PLEKHA2: variants seen among roughly 807,000 people sequenced by gnomAD.
PLEKHA2 encodes the protein pleckstrin homology domain-containing family A member 2.
PLEKHA2 carries 28 observed loss-of-function variants against 53.2 expected under a neutral mutation model. That is an observed-to-expected ratio of 0.53 (90% confidence interval 0.39 to 0.72). The LOEUF (loss-of-function observed/expected upper bound fraction) is 0.72, where lower values mean the gene tolerates loss of function less well. Ranked by LOEUF, PLEKHA2 falls within the 30% of genes least tolerant of loss-of-function variation. PLEKHA2 has a pLI of 0.00. For synonymous variants in PLEKHA2, 193 were observed against 196.4 expected, an observed-to-expected ratio of 0.98 and a Z score of 0.14; for missense variants, 426 against 537.9, an observed-to-expected ratio of 0.79 and a Z score of 2.06.
rs150722357 is a variant in PLEKHA2 at position 38,969,941 on chromosome 8, CTGTGTGTG to C, written c.*188_*195del. Reference sequence around the variant, plus strand: ...GGAGGGAGGGGCCCATCCAGCTGGGCTGTGTGTGTGTGTGTGTGTGTGTGTGTGTGTGT... The same window carrying C: ...GGAGGGAGGGGCCCATCCAGCTGGGCTGTGTGTGTGTGTGTGTGTGTGTGT... On this transcript the variant is annotated 3_prime_UTR_variant, in exon 12 of 12. Coordinates refer to ENST00000617275, the MANE Select transcript of PLEKHA2 (RefSeq NM_021623.2). 327 of 697,800 alleles carry C rather than the reference CTGTGTGTG, an allele frequency of 4.7e-4. No homozygotes were observed. In the East Asian group the frequency reaches 7.1e-3, roughly 15 times the overall value. 43.2% of individuals were successfully genotyped at this position (697,800 alleles called of 1,614,324 possible).
intron 1 of PLEKHA2, among the ~76,000 whole-genome samples, chr8:38,912,653 T>C (rs574395564): frequency 2.1e-4 from 32 of 152,342 alleles, no homozygotes; most frequent in African/African-American, 4.8e-4. Flanking sequence ...GGGGCAGCTC[T>C]GTGGACCCAA....
At chr8:38,959,692 A>G (rs1190936990) in intron 10 of PLEKHA2, among the ~76,000 whole-genome samples, 2 of 152,236 alleles carry the variant, frequency 1.3e-5, no homozygotes, top group Admixed American at 1.3e-4. Flanking sequence ...GGAAGCCTGA[A>G]TGAGGGTAGA....
At chr8:38,938,348 A>C (rs959955390) in intron 3 of PLEKHA2, among the ~76,000 whole-genome samples, 1 of 152,112 alleles carries the variant, frequency 6.6e-6, no homozygotes, top group South Asian at 2.1e-4. Flanking sequence ...CCCCCATCCC[A>C]TGTAGGTGGC....
chr8:38,944,758 G>A (rs896129156), intron 4 of PLEKHA2, among the ~76,000 whole-genome samples: 7 of 152,162 alleles, frequency 4.6e-5, no homozygotes, highest in African/African-American at 1.7e-4. Context: ...TGAGATTTGG[G>A]TAGGGACACA....
At position 38,905,159 on chromosome 8, in the gene PLEKHA2, C is replaced by G. The variant is rs931828655; in HGVS notation, c.-24+3714C>G. ...GGTCATCTTCTTGCAAAAGTTCCCT[C>G]AAAAATACTCATATTGGCTGGATGC... is the stretch of plus-strand genomic sequence containing the variant. On this transcript the variant is annotated intron_variant, in intron 1 of 11. Coordinates refer to ENST00000617275, the MANE Select transcript of PLEKHA2 (RefSeq NM_021623.2). Among the ~76,000 whole-genome samples, 4 of 152,220 alleles carry G rather than the reference C, an allele frequency of 2.6e-5. No homozygotes were observed. The East Asian group carries it at 7.7e-4, about 29-fold the overall frequency.
chr8:38,957,881 C>T (rs1834970429), intron 10 of PLEKHA2, among the ~76,000 whole-genome samples: 1 of 152,220 alleles, frequency 6.6e-6, no homozygotes, highest in South Asian at 2.1e-4. Flanking sequence ...TGGAGTTCTC[C>T]CAACTCCTTC....
intron 2 of PLEKHA2, among the ~76,000 whole-genome samples, chr8:38,926,879 C>G (rs1236869985): frequency 6.6e-6 from 1 of 152,142 alleles, no homozygotes; most frequent in Non-Finnish European, 1.5e-5. Context: ...CACGCCATTG[C>G]ACTCTAGCCT....
Position 38,969,859 on chromosome 8 carries a change from T to C in PLEKHA2, c.*76T>C. On this transcript the variant is annotated 3_prime_UTR_variant, in exon 12 of 12. Coordinates refer to ENST00000617275, the MANE Select transcript of PLEKHA2 (RefSeq NM_021623.2). ...GAGGCTGTGACTCAGTTTCTCTACCTTGTTGGAGGGTAGTCAGAGGCCTTT... is the reference window on the plus strand; with the variant it reads ...GAGGCTGTGACTCAGTTTCTCTACCCTGTTGGAGGGTAGTCAGAGGCCTTT... 1 of 1,526,900 alleles carries C rather than the reference T, an allele frequency of 6.5e-7. No homozygotes were observed. 94.6% of individuals were successfully genotyped at this position (1,526,900 alleles called of 1,614,324 possible). A position where few individuals can be genotyped will look rare whatever the true frequency, so the allele number is the denominator to read the frequency against.
chr8:38,943,726 A>C, intron 3 of PLEKHA2, 63 bp from the exon 4 acceptor site: 1 of 1,322,602 alleles, frequency 7.6e-7, no homozygotes, highest in Non-Finnish European at 1.0e-6. Flanking sequence ...AAATTTCACA[A>C]TAAGAAATCT....
At position 38,919,120 on chromosome 8, in the gene PLEKHA2, G is replaced by T. The variant is rs534691260; in HGVS notation, c.141+1050G>T. Among the ~76,000 whole-genome samples the T allele has an allele frequency of 7.2e-5, 11 of 152,342 alleles. No homozygotes were observed. In the East Asian group the frequency reaches 2.1e-3, roughly 29 times the overall value. On this transcript the variant is annotated intron_variant, in intron 2 of 11. Coordinates refer to ENST00000617275, the MANE Select transcript of PLEKHA2 (RefSeq NM_021623.2). ...TGACTCAGGAAGTCCTAGAATCCTGGATTGGAGGTGCCCTTGGAGGTCACC... is the reference window on the plus strand; with the variant it reads ...TGACTCAGGAAGTCCTAGAATCCTGTATTGGAGGTGCCCTTGGAGGTCACC...
intron 1 of PLEKHA2, among the ~76,000 whole-genome samples, chr8:38,904,985 C>T (rs1333184999): frequency 2.0e-5 from 3 of 152,194 alleles, no homozygotes; most frequent in African/African-American, 7.2e-5. Context: ...CAATTATCTC[C>T]ATTTTGCAGA....
At chr8:38,935,457 G>T (rs12682071) in intron 2 of PLEKHA2, among the ~76,000 whole-genome samples, 18,052 of 150,542 alleles carry the variant, frequency 0.12, 1,273 homozygotes, top group East Asian at 0.21. Context: ...AAGAGATAGG[G>T]TCTTGCTGTG....
At chr8:38,925,327 A>G (rs1177908037) in intron 2 of PLEKHA2, among the ~76,000 whole-genome samples, 1 of 152,204 alleles carries the variant, frequency 6.6e-6, no homozygotes, top group Non-Finnish European at 1.5e-5. Flanking sequence ...CTGCAGACTA[A>G]CTATGTTTTA....
intron 10 of PLEKHA2, among the ~76,000 whole-genome samples, chr8:38,965,357 G>A (rs754971775): frequency 2.6e-5 from 4 of 152,112 alleles, no homozygotes; most frequent in Non-Finnish European, 5.9e-5. Context: ...TTGACATGAC[G>A]GAGAGCATTT....
chr8:38,905,978 C>T (rs897456025), intron 1 of PLEKHA2, among the ~76,000 whole-genome samples: 4 of 152,240 alleles, frequency 2.6e-5, no homozygotes, highest in African/African-American at 9.6e-5. Flanking sequence ...GCCACTGTGC[C>T]CGGCCAGGAG....
At chr8:38,914,817 A>G (rs1436431314) in intron 1 of PLEKHA2, among the ~76,000 whole-genome samples, 1 of 152,240 alleles carries the variant, frequency 6.6e-6, no homozygotes, top group Non-Finnish European at 1.5e-5. Context: ...AATTGCAACA[A>G]GAGCAGAGGT....
At chr8:38,919,798 G>A (rs545934497) in intron 2 of PLEKHA2, among the ~76,000 whole-genome samples, 1 of 152,280 alleles carries the variant, frequency 6.6e-6, no homozygotes, top group Admixed American at 6.5e-5. Context: ...TCACCCTGCA[G>A]CCCTGATAAA....
At chr8:38,921,769 G>A (rs1024353898) in intron 2 of PLEKHA2, among the ~76,000 whole-genome samples, 2 of 152,250 alleles carry the variant, frequency 1.3e-5, no homozygotes, top group African/African-American at 4.8e-5. Flanking sequence ...TTCCCAGGAA[G>A]CAGTAGAGCT....
chr8:38,955,359 G>C (rs1280919361), intron 9 of PLEKHA2, among the ~76,000 whole-genome samples: 1 of 152,178 alleles, frequency 6.6e-6, no homozygotes, highest in South Asian at 2.1e-4. Context: ...CCAGAAAGAG[G>C]CATTTTTTAT....
Sources: gnomAD v4.1 joint callset for allele counts (sites outside exome capture counted in the v4.1 genomes callset) on GRCh38, gnomAD v4.1.1 for gene constraint, MANE v1.5 for transcripts, NCBI Gene and HGNC (gene_info 2026-07-23, HGNC 2026-07-21) for gene names.